PRKAR1A: variants seen among roughly 807,000 people sequenced by gnomAD.
PRKAR1A encodes cAMP-dependent protein kinase type I-alpha regulatory subunit.
A neutral mutation model predicts 52.0 loss-of-function variants in PRKAR1A; 3 were observed. The ratio of observed to expected loss-of-function variants is 0.06; its 90% CI spans 0.03 to 0.15. The LOEUF (loss-of-function observed/expected upper bound fraction) is 0.15, where lower values mean the gene tolerates loss of function less well. PRKAR1A is among the 10% of genes least tolerant of loss of function. The probability of loss-of-function intolerance (pLI) is 1.00; values close to 1 mark genes in which losing one functional copy is unlikely to be tolerated. For missense variants in PRKAR1A, 240 were observed against 477.4 expected (o/e 0.50, Z 4.63); for synonymous variants, 188 against 168.4 (o/e 1.12, Z -0.90).
At chr17:68,529,881 AGT>A (rs551059586) in intron 9 of PRKAR1A, 37 bp from the exon 10 acceptor site, 2 of 1,601,260 alleles carry the variant, frequency 1.2e-6, no homozygotes, top group Non-Finnish European at 1.7e-6. Flanking sequence ...TGGGTTTGAG[AGT>A]GTGTGTTTGT....
chr17:68,435,781 C>G, the PRKAR1A span: 1 of 1,425,700 alleles, frequency 7.0e-7, no homozygotes. Flanking sequence ...CCTCCCTCCC[C>G]TTCCTCTTTT....
intron 2 of PRKAR1A, among the ~76,000 whole-genome samples, chr17:68,519,842 T>C (rs562468643): frequency 2.0e-5 from 3 of 152,366 alleles, no homozygotes; most frequent in South Asian, 4.1e-4. Context: ...TGAAGCACTT[T>C]ATATACATAA....
chr17:68,483,165 G>T, the PRKAR1A span, among the ~76,000 whole-genome samples: 2 of 150,488 alleles, frequency 1.3e-5, no homozygotes, highest in Admixed American at 6.6e-5. Context: ...AGTTCATATT[G>T]GTTCATACAA....
At chr17:68,451,177 T>G in the PRKAR1A span, among the ~76,000 whole-genome samples, 1 of 152,206 alleles carries the variant, frequency 6.6e-6, no homozygotes, top group African/African-American at 2.4e-5. Context: ...CGCCTAGTAA[T>G]CCCAGCACTT....
At chr17:68,550,697 G>A (rs1485458231) in intron 11 of PRKAR1A, among the ~76,000 whole-genome samples, 4 of 152,194 alleles carry the variant, frequency 2.6e-5, no homozygotes, top group East Asian at 1.9e-4. Flanking sequence ...CTCTTTATAC[G>A]GCAGTGGTTC....
the PRKAR1A span, among the ~76,000 whole-genome samples, chr17:68,504,912 CA>C: frequency 6.6e-6 from 1 of 152,266 alleles, no homozygotes; most frequent in South Asian, 2.1e-4. Context: ...ATGCCTGTAT[CA>C]AAATATCCCA....
At chr17:68,519,961 G>A (rs140336441) in intron 2 of PRKAR1A, among the ~76,000 whole-genome samples, 75 of 152,338 alleles carry the variant, frequency 4.9e-4, no homozygotes, top group African/African-American at 1.7e-3. Context: ...GACTGTAGTC[G>A]TCAGCTTTTG....
At chr17:68,416,623 T>C in the PRKAR1A span, among the ~76,000 whole-genome samples, 1 of 152,212 alleles carries the variant, frequency 6.6e-6, no homozygotes, top group African/African-American at 2.4e-5. Context: ...ATTTGGTCGT[T>C]TAACATAATC....
the PRKAR1A span, among the ~76,000 whole-genome samples, chr17:68,423,250 TC>T: frequency 0.03 from 4,574 of 152,230 alleles, 192 homozygotes; most frequent in South Asian, 0.18. The surrounding 1 kb of genome is among the most constrained non-coding windows in gnomAD (Gnocchi z 4.4). Flanking sequence ...GAGAGGAAGT[TC>T]CCTAGCATCC....
the PRKAR1A span, among the ~76,000 whole-genome samples, chr17:68,449,708 C>T: frequency 1.3e-5 from 2 of 152,222 alleles, no homozygotes; most frequent in African/African-American, 4.8e-5. Flanking sequence ...GAGCCCTCCC[C>T]AGAAGCAGAT....
At chr17:68,478,883 A>G in the PRKAR1A span, among the ~76,000 whole-genome samples, 2 of 152,074 alleles carry the variant, frequency 1.3e-5, no homozygotes, top group African/African-American at 2.4e-5. Context: ...ACACGCCACC[A>G]TGTCTGGCTA....
intron 2 of PRKAR1A, 118 bp downstream of exon 2, chr17:68,515,694 AAAAC>A (rs1216610040): frequency 2.9e-5 from 36 of 1,251,594 alleles, no homozygotes; most frequent in Middle Eastern, 2.7e-4. Context: ...TAAAAAGTCT[AAAAC>A]AATTTCAAAT....
chr17:68,427,378 G>A, the PRKAR1A span: 1 of 728,594 alleles, frequency 1.4e-6, no homozygotes. Context: ...TATTTTTGAG[G>A]CAGGGTCTTG....
the PRKAR1A span, among the ~76,000 whole-genome samples, chr17:68,430,606 G>C: frequency 1.3e-5 from 2 of 152,270 alleles, no homozygotes; most frequent in South Asian, 4.1e-4. Context: ...GCAAACCTCC[G>C]GGCAAGACAC....
At chr17:68,488,573 C>CA in the PRKAR1A span, among the ~76,000 whole-genome samples, 9 of 151,152 alleles carry the variant, frequency 6.0e-5, no homozygotes, top group African/African-American at 1.2e-4. Flanking sequence ...ACTAAAAATA[C>CA]AAAAAAAATT....
At chr17:68,489,776 G>A in the PRKAR1A span, among the ~76,000 whole-genome samples, 249 of 151,736 alleles carry the variant, frequency 1.6e-3, 2 homozygotes, top group African/African-American at 5.5e-3. Flanking sequence ...GCCCGGTCTC[G>A]AACTCCTGAC....
At chr17:68,548,445 G>A (rs1323509008) in intron 11 of PRKAR1A, among the ~76,000 whole-genome samples, 1 of 152,022 alleles carries the variant, frequency 6.6e-6, no homozygotes, top group African/African-American at 2.4e-5. Flanking sequence ...CAAGAGAATC[G>A]CTTGAACCCA....
At chr17:68,443,761 A>G in the PRKAR1A span, among the ~76,000 whole-genome samples, 83 of 152,380 alleles carry the variant, frequency 5.4e-4, 1 homozygote, top group South Asian at 0.016. Flanking sequence ...CAGTTGTTCA[A>G]TGATACCAAA....
At chr17:68,490,483 A>G in the PRKAR1A span, among the ~76,000 whole-genome samples, 1 of 152,204 alleles carries the variant, frequency 6.6e-6, no homozygotes, top group African/African-American at 2.4e-5. Flanking sequence ...TAAAAGACAG[A>G]GGAGGCTAAT....
Sources: gnomAD v4.1 joint callset for allele counts (sites outside exome capture counted in the v4.1 genomes callset) on GRCh38, gnomAD v4.1.1 for gene constraint, Gnocchi (gnomAD v3.1) non-coding constraint, MANE v1.5 for transcripts, NCBI Gene and HGNC (gene_info 2026-07-23, HGNC 2026-07-21) for gene names.